Variants in RUNDC3B observed in about 807,000 individuals in gnomAD.
The protein encoded by RUNDC3B is RUN domain-containing protein 3B.
RUNDC3B carries 33 observed loss-of-function variants against 58.4 expected under a neutral mutation model. The ratio of observed to expected loss-of-function variants is 0.56; its 90% confidence interval spans 0.43 to 0.75. RUNDC3B has a LOEUF of 0.75. RUNDC3B is among the 30% of genes least tolerant of loss of function. The probability of loss-of-function intolerance (pLI) is 0.00; values close to 1 mark genes in which losing one functional copy is unlikely to be tolerated. For synonymous variants in RUNDC3B, 193 were observed against 195.2 expected, an observed-to-expected ratio of 0.99 and a Z score of 0.10; for missense variants, 501 against 535.7, an observed-to-expected ratio of 0.94 and a Z score of 0.64.
Position 87,709,042 on chromosome 7 carries a change from CTGTT to C in RUNDC3B, c.373-1524_373-1521del, listed in dbSNP as rs1204134930. Among the ~76,000 whole-genome samples the C allele has an allele frequency of 2.0e-5, 3 of 152,082 alleles. No homozygotes were observed. In the South Asian group the frequency reaches 6.2e-4, roughly 32 times the overall value. Reference sequence around the variant, plus strand: ...CTTGGCCCAAACAATCTTTATAAGTCTGTTTGTCTTCTGTTCTATTAAAAGTTCC... The same window carrying C: ...CTTGGCCCAAACAATCTTTATAAGTCTGTCTTCTGTTCTATTAAAAGTTCC... On this transcript the variant is annotated intron_variant, in intron 3 of 10. Coordinates refer to ENST00000394654, the MANE Select transcript of RUNDC3B (RefSeq NM_001134405.2).
intron 2 of RUNDC3B, among the ~76,000 whole-genome samples, chr7:87,699,629 C>A (rs942173336): frequency 7.2e-5 from 11 of 152,202 alleles, no homozygotes; most frequent in Non-Finnish European, 1.5e-4. Flanking sequence ...TGGCCTCGAA[C>A]TCCTGGCCTC....
chr7:87,752,699 T>G (rs2130835858), intron 6 of RUNDC3B, among the ~76,000 whole-genome samples: 1 of 152,370 alleles, frequency 6.6e-6, no homozygotes, highest in African/African-American at 2.4e-5. Context: ...GTAGTTTGTA[T>G]TTCTGTGGGA....
chr7:87,766,355 G>A (rs904800843), intron 6 of RUNDC3B, among the ~76,000 whole-genome samples: 6 of 152,190 alleles, frequency 3.9e-5, no homozygotes, highest in Non-Finnish European at 5.9e-5. Flanking sequence ...AGCTTTGGAC[G>A]TATGTATGCA....
At chr7:87,664,379 T>C (rs1344058659) in intron 2 of RUNDC3B, among the ~76,000 whole-genome samples, 1 of 152,074 alleles carries the variant, frequency 6.6e-6, no homozygotes, top group African/African-American at 2.4e-5. Context: ...CCAAAATTAC[T>C]TTACTTACAA....
chr7:87,799,373 G>C (rs911716231), intron 8 of RUNDC3B, among the ~76,000 whole-genome samples: 1 of 152,164 alleles, frequency 6.6e-6, no homozygotes, highest in Non-Finnish European at 1.5e-5. Context: ...TCCTAAGGGA[G>C]TCAGGGGTTA....
chr7:87,784,375 T>A (rs1169390606), intron 8 of RUNDC3B, among the ~76,000 whole-genome samples: 1 of 152,122 alleles, frequency 6.6e-6, no homozygotes, highest in African/African-American at 2.4e-5. Flanking sequence ...ACTGCTCACA[T>A]TTGGATGGGG....
intron 2 of RUNDC3B, among the ~76,000 whole-genome samples, chr7:87,699,088 A>G (rs1392298605): frequency 2.6e-5 from 4 of 152,194 alleles, no homozygotes; most frequent in South Asian, 4.1e-4. Flanking sequence ...ATGTTCTGCC[A>G]TGGTTTGGAA....
At chr7:87,787,837 A>G (rs539909017) in intron 8 of RUNDC3B, among the ~76,000 whole-genome samples, 2 of 152,340 alleles carry the variant, frequency 1.3e-5, no homozygotes, top group South Asian at 4.1e-4. Context: ...ACTCAGGGAG[A>G]TAAGTAGAAA....
intron 10 of RUNDC3B, among the ~76,000 whole-genome samples, chr7:87,818,021 T>TA (rs1837167861): frequency 6.6e-6 from 1 of 152,184 alleles, no homozygotes; most frequent in South Asian, 2.1e-4. Context: ...CAAAGGGCCT[T>TA]AATCTTAATA....
At chr7:87,632,264 A>G (rs10231033) in intron 1 of RUNDC3B, among the ~76,000 whole-genome samples, 7,346 of 152,272 alleles carry the variant, frequency 0.048, 261 homozygotes, top group East Asian at 0.09. Flanking sequence ...TTATGTTTAA[A>G]GCTTTATTCA....
intron 4 of RUNDC3B, among the ~76,000 whole-genome samples, chr7:87,721,804 T>TCC (rs1830910464): frequency 6.6e-6 from 1 of 151,946 alleles, no homozygotes; most frequent in South Asian, 2.1e-4. Context: ...TCTCTGTCTC[T>TCC]CTCTCTCTCT....
chr7:87,639,045 C>T lies in RUNDC3B; in HGVS notation c.122+10100C>T, dbSNP rs1461926186. 4.0e-5 allele frequency among the ~76,000 whole-genome samples: 6 copies of T among 148,892 alleles called. No individual in the cohort carries two copies. The South Asian group carries it at 6.4e-4, about 16-fold the overall frequency. On this transcript the variant is annotated intron_variant, in intron 1 of 10. Coordinates refer to ENST00000394654, the MANE Select transcript of RUNDC3B (RefSeq NM_001134405.2). ...CAGGCGCCTGTAGTCCCAGCTACTC[C>T]GGAGGCTGAGGCAGGAGAATGGTGT...
chr7:87,761,158 T>C (rs1431491679), intron 6 of RUNDC3B, among the ~76,000 whole-genome samples: 1 of 151,898 alleles, frequency 6.6e-6, no homozygotes, highest in African/African-American at 2.4e-5. Context: ...GATTTTAAAA[T>C]GGGCTAAGGA....
intron 2 of RUNDC3B, among the ~76,000 whole-genome samples, chr7:87,657,569 C>G (rs978412905): frequency 6.6e-6 from 1 of 152,184 alleles, no homozygotes; most frequent in African/African-American, 2.4e-5. Flanking sequence ...CAAAAACTCT[C>G]TCTCTCTTCC....
intron 4 of RUNDC3B, 40 bp from the exon 5 acceptor site, chr7:87,739,751 A>G: frequency 2.1e-6 from 2 of 942,704 alleles, no homozygotes; most frequent in Non-Finnish European, 3.3e-6. Context: ...ACTTCCATTT[A>G]TTTTTAATAT....
intron 2 of RUNDC3B, among the ~76,000 whole-genome samples, chr7:87,675,928 A>C (rs1268816506): frequency 2.0e-5 from 3 of 152,202 alleles, no homozygotes; most frequent in Non-Finnish European, 4.4e-5. Context: ...TAAACTGAGA[A>C]GTTTCAAGCC....
At chr7:87,712,980 A>G (rs933092623) in intron 4 of RUNDC3B, among the ~76,000 whole-genome samples, 39 of 152,150 alleles carry the variant, frequency 2.6e-4, no homozygotes, top group Non-Finnish European at 4.6e-4. Context: ...GTTAACTAAA[A>G]AATGCGGCAA....
At chr7:87,820,177 T>A (rs1006933829) in intron 10 of RUNDC3B, among the ~76,000 whole-genome samples, 1 of 151,862 alleles carries the variant, frequency 6.6e-6, no homozygotes, top group African/African-American at 2.4e-5. Flanking sequence ...AAGAATCAAA[T>A]AGATGCAATA....
intron 2 of RUNDC3B, among the ~76,000 whole-genome samples, chr7:87,671,555 A>C (rs1825824946): frequency 6.6e-6 from 1 of 152,134 alleles, no homozygotes; most frequent in South Asian, 2.1e-4. Context: ...TCACCAGTGA[A>C]GGCCGCAAAA....
Sources: gnomAD v4.1 joint callset for allele counts (sites outside exome capture counted in the v4.1 genomes callset) on GRCh38, gnomAD v4.1.1 for gene constraint, MANE v1.5 for transcripts, NCBI Gene and HGNC (gene_info 2026-07-23, HGNC 2026-07-21) for gene names.